Variants in CHCHD3 observed in about 807,000 individuals in gnomAD.
The protein encoded by CHCHD3 is coiled-coil-helix-coiled-coil-helix domain containing 3.
CHCHD3 carries 20 observed loss-of-function variants against 38.2 expected under a neutral mutation model. The observed-to-expected ratio is 0.52, with a 90% CI of 0.37 to 0.76. The LOEUF is 0.76. Ranked by LOEUF, CHCHD3 falls within the 30% of genes least tolerant of loss-of-function variation. CHCHD3 has a pLI of 0.00. For missense variants in CHCHD3, 245 were observed against 279.2 expected (o/e 0.88, Z 0.87); for synonymous variants, 82 against 100.0 (o/e 0.82, Z 1.07).
chr7:133,019,761 T>C (rs1446641268), intron 3 of CHCHD3, among the ~76,000 whole-genome samples: 1 of 152,138 alleles, frequency 6.6e-6, no homozygotes, highest in East Asian at 1.9e-4. Flanking sequence ...CTTGCCTTTA[T>C]AGGTAAAGAG....
At chr7:132,822,857 C>A (rs1330846090) in intron 6 of CHCHD3, among the ~76,000 whole-genome samples, 1 of 145,870 alleles carries the variant, frequency 6.9e-6, no homozygotes, top group Admixed American at 6.7e-5. Context: ...AAACAAAAAA[C>A]CAAAACCAAT....
chr7:132,880,592 T>C (rs1180210565), intron 5 of CHCHD3, among the ~76,000 whole-genome samples: 2 of 152,134 alleles, frequency 1.3e-5, no homozygotes, highest in Non-Finnish European at 2.9e-5. Context: ...TTCACTGTGC[T>C]ATTTGTAGAA....
chr7:132,970,889 T>C (rs1460406844), intron 4 of CHCHD3, among the ~76,000 whole-genome samples: 1 of 152,048 alleles, frequency 6.6e-6, no homozygotes, highest in East Asian at 1.9e-4. Context: ...GGCAGAAGGA[T>C]CACTTGAGCC....
At position 133,012,371 on chromosome 7, in the gene CHCHD3, C is replaced by T. The variant is rs139743746; in HGVS notation, c.251+12175G>A. Among the ~76,000 whole-genome samples the T allele has an allele frequency of 4.8e-3, 730 of 152,238 alleles. 7 individuals carry two copies. Among genetic ancestry groups the T allele is most frequent in the African/African-American group, 0.017 (699 of 41,552 alleles). ...TAGTCATGTGAGTTAAAAAACAAAA[C>T]ACAAAAAGTCCTTTCATTTGTGAAA... is the stretch of plus-strand genomic sequence containing the variant. On this transcript the variant is annotated intron_variant, in intron 3 of 7. Coordinates refer to ENST00000262570, the MANE Select transcript of CHCHD3 (RefSeq NM_017812.4).
chr7:133,010,063 C>CA (rs1812819169), intron 3 of CHCHD3, among the ~76,000 whole-genome samples: 2 of 152,158 alleles, frequency 1.3e-5, no homozygotes, highest in Non-Finnish European at 1.5e-5. Context: ...GAATCACAGT[C>CA]ACTTCCTAAA....
chr7:132,804,615 A>G (rs1360091807), intron 6 of CHCHD3, among the ~76,000 whole-genome samples: 1 of 152,238 alleles, frequency 6.6e-6, no homozygotes, highest in East Asian at 1.9e-4. Context: ...AAACTGTCAC[A>G]TATCTCAATG....
intron 5 of CHCHD3, among the ~76,000 whole-genome samples, chr7:132,847,074 C>T (rs568084644): frequency 1.3e-5 from 2 of 152,254 alleles, no homozygotes; most frequent in South Asian, 4.2e-4. Flanking sequence ...GTAGCCACCC[C>T]GAGCAGTTGA....
intron 2 of CHCHD3, among the ~76,000 whole-genome samples, chr7:133,028,292 A>T (rs892800164): frequency 6.6e-6 from 1 of 152,222 alleles, no homozygotes; most frequent in Non-Finnish European, 1.5e-5. Flanking sequence ...AATTTAATTC[A>T]ATTAAAACTA....
intron 2 of CHCHD3, among the ~76,000 whole-genome samples, chr7:133,051,746 A>G (rs1349359643): frequency 1.3e-5 from 2 of 152,226 alleles, no homozygotes; most frequent in African/African-American, 4.8e-5. Flanking sequence ...TCACAGACAT[A>G]TACAAATAAG....
chr7:133,065,931 C>CA (rs1289462078), intron 2 of CHCHD3, among the ~76,000 whole-genome samples: 1 of 152,134 alleles, frequency 6.6e-6, no homozygotes, highest in Non-Finnish European at 1.5e-5. Flanking sequence ...ATCATGTACT[C>CA]AAAGAACCTG....
intron 2 of CHCHD3, among the ~76,000 whole-genome samples, chr7:133,038,842 C>T (rs1404491934): frequency 6.6e-6 from 1 of 152,194 alleles, no homozygotes; most frequent in Admixed American, 6.5e-5. Context: ...ATAAATTGTC[C>T]ACTTTGGCTA....
chr7:132,794,371 T>G (rs1806548427), intron 7 of CHCHD3, among the ~76,000 whole-genome samples: 1 of 152,154 alleles, frequency 6.6e-6, no homozygotes, highest in Non-Finnish European at 1.5e-5. Context: ...GTTTCAATGC[T>G]CTCAACTGGA....
chr7:132,924,868 C>A (rs938823652), intron 4 of CHCHD3, among the ~76,000 whole-genome samples: 21 of 152,138 alleles, frequency 1.4e-4, no homozygotes, highest in African/African-American at 4.8e-4. Context: ...CATCTGAGTG[C>A]CACATGCCTG....
intron 7 of CHCHD3, among the ~76,000 whole-genome samples, chr7:132,792,194 A>C (rs1806478776): frequency 6.6e-6 from 1 of 152,074 alleles, no homozygotes; most frequent in Non-Finnish European, 1.5e-5. Flanking sequence ...CTGTTTTCAG[A>C]GTCACACTTC....
chr7:132,818,216 C>G (rs1367077642), intron 6 of CHCHD3, among the ~76,000 whole-genome samples: 1 of 152,216 alleles, frequency 6.6e-6, no homozygotes, highest in Non-Finnish European at 1.5e-5. Context: ...GTTTCTTGTA[C>G]AGCCTGCCTG....
intron 4 of CHCHD3, among the ~76,000 whole-genome samples, chr7:132,920,694 G>T (rs1451283095): frequency 6.6e-6 from 1 of 152,148 alleles, no homozygotes; most frequent in Non-Finnish European, 1.5e-5. Context: ...TCCAATACAA[G>T]TTCAGGTGCT....
chr7:132,895,805 T>C (rs919254595), intron 4 of CHCHD3, among the ~76,000 whole-genome samples: 1 of 152,234 alleles, frequency 6.6e-6, no homozygotes, highest in Non-Finnish European at 1.5e-5. Context: ...TTTTTCTTCA[T>C]AAATTACCCA....
rs181576929 is a variant in CHCHD3, at chr7:132,987,561, C to T, written c.252-12275G>A. ...ATGGTGATGAGTGCCTTCGAAACAG[C>T]GCCAGACGATGAGAAGATGTAGAAG... On this transcript the variant is annotated intron_variant, in intron 3 of 7. Transcript: ENST00000262570. Among the ~76,000 whole-genome samples the T allele has an allele frequency of 3.2e-3, 493 of 152,212 alleles. 3 individuals are homozygous for T. In the South Asian group the frequency reaches 0.037, roughly 12 times the overall value.
intron 4 of CHCHD3, among the ~76,000 whole-genome samples, chr7:132,921,123 GA>G (rs1234763207): frequency 1.3e-5 from 2 of 152,144 alleles, no homozygotes; most frequent in African/African-American, 4.8e-5. Context: ...TATAGAACAA[GA>G]GAAGGAAAAC....
Sources: allele counts gnomAD v4.1 joint callset (sites outside exome capture counted in the v4.1 genomes callset), GRCh38; gene constraint gnomAD v4.1.1; transcripts MANE v1.5; gene names NCBI Gene and HGNC (gene_info 2026-07-23, HGNC 2026-07-21).